ZNF273: variants seen among roughly 807,000 people sequenced by gnomAD.
The protein encoded by ZNF273 is zinc finger protein 273.
Under a neutral mutation model 14.9 loss-of-function variants are expected in ZNF273, and 11 were observed. The ratio of observed to expected loss-of-function variants is 0.74; its 90% CI spans 0.46 to 1.22. ZNF273 has a LOEUF of 1.22. Among genes scored for constraint, ZNF273 ranks in the 50% most tolerant of loss-of-function variants. The pLI, the probability that ZNF273 is intolerant of heterozygous loss-of-function variation, is 0.00. For missense variants in ZNF273, 577 were observed against 660.6 expected, an observed-to-expected ratio of 0.87 and a Z score of 1.39; for synonymous variants, 199 against 223.9, an observed-to-expected ratio of 0.89 and a Z score of 0.99.
At chr7:64,915,562 T>C (rs1793915443) in intron 1 of ZNF273, among the ~76,000 whole-genome samples, 1 of 152,246 alleles carries the variant, frequency 6.6e-6, no homozygotes, top group South Asian at 2.1e-4. Context: ...AGATCGCCCA[T>C]GCTATTGTTT....
chr7:64,890,811 G>T (rs1421531706), downstream of ZNF273, among the ~76,000 whole-genome samples: 1 of 152,140 alleles, frequency 6.6e-6, no homozygotes, highest in Non-Finnish European at 1.5e-5. Flanking sequence ...GCAAAGGCTG[G>T]TGCAAGGCTA....
intron 1 of ZNF273, among the ~76,000 whole-genome samples, chr7:64,912,860 GCT>G (rs573378714): frequency 0.06 from 1,365 of 22,882 alleles, 15 homozygotes; most frequent in South Asian, 0.19. Flanking sequence ...ATTGAGTTTC[GCT>G]CTGTCATCCA....
At chr7:64,912,826 G>GTTTTTTGTTGTTGTTGTGTTTTTTTTTTT in intron 1 of ZNF273, among the ~76,000 whole-genome samples, 1 of 36,568 alleles carries the variant, frequency 2.7e-5, no homozygotes, top group Admixed American at 4.0e-4. Flanking sequence ...ATTCATTTTA[G>GTTTTTTGTTGTTGTTGTGTTTTTTTTTTT]TTTTTTTTTT....
chr7:64,889,356 G>T (rs1791817582), downstream of ZNF273: 2 of 964,454 alleles, frequency 2.1e-6, no homozygotes, highest in Non-Finnish European at 2.5e-6. This position sits in a 1 kb window ranked among gnomAD's most constrained non-coding sequence, Gnocchi z 4.2. Flanking sequence ...AGCTGGTGCT[G>T]AGGGTCCGGC....
At chr7:64,905,207 C>A (rs1562956295) in intron 1 of ZNF273, among the ~76,000 whole-genome samples, 1 of 148,928 alleles carries the variant, frequency 6.7e-6, no homozygotes, top group African/African-American at 2.5e-5. Flanking sequence ...ACTCCGCCTC[C>A]CAGGTTCAAG....
At chr7:64,883,179 G>A (rs967266188), downstream of ZNF273, among the ~76,000 whole-genome samples, 23 of 150,926 alleles carry the variant, frequency 1.5e-4, no homozygotes, top group Middle Eastern at 3.4e-3. Flanking sequence ...GGTGAATTGG[G>A]GGGCTGGCTG....
chr7:64,926,210 A>C (rs1794761777), intron 3 of ZNF273, among the ~76,000 whole-genome samples: 1 of 150,636 alleles, frequency 6.6e-6, no homozygotes, highest in Non-Finnish European at 1.5e-5. Flanking sequence ...GGCCTGCAAA[A>C]TTTTCTTGAC....
exon 2 of ZNF273, chr7:64,888,860 T>C: frequency 2.0e-6 from 2 of 985,938 alleles, no homozygotes; most frequent in Non-Finnish European, 2.4e-6. Flanking sequence ...GCTCAAGCCA[T>C]GTTCATCTAT....
At chr7:64,915,631 G>A (rs1422152097) in intron 1 of ZNF273, among the ~76,000 whole-genome samples, 5 of 152,128 alleles carry the variant, frequency 3.3e-5, no homozygotes, top group Non-Finnish European at 5.9e-5. Flanking sequence ...TGTTCATTCC[G>A]GTAAACCCAC....
At chr7:64,905,420 CTTTTTTTTTTTTT>C (rs34374261) in intron 1 of ZNF273, among the ~76,000 whole-genome samples, 1 of 84,190 alleles carries the variant, frequency 1.2e-5, no homozygotes, top group East Asian at 3.3e-4. Flanking sequence ...GCTGGCCACA[CTTTTTTTTTTTTT>C]TTTTTTTTTG....
intron 2 of ZNF273, among the ~76,000 whole-genome samples, chr7:64,879,190 G>C (rs370118252): frequency 6.6e-6 from 1 of 152,192 alleles, no homozygotes; most frequent in Non-Finnish European, 1.5e-5. Flanking sequence ...CGTGGATGTA[G>C]TTGGCTGCCA....
At chr7:64,933,663 C>T (rs1795035685), downstream of ZNF273, 1 of 152,110 alleles carries the variant, frequency 6.6e-6, no homozygotes, top group Non-Finnish European at 1.5e-5. Flanking sequence ...CACACAAGAA[C>T]TAAGTATTTT....
downstream of ZNF273, among the ~76,000 whole-genome samples, chr7:64,881,230 G>C (rs1791244592): frequency 6.6e-6 from 1 of 152,232 alleles, no homozygotes; most frequent in Admixed American, 6.5e-5. Flanking sequence ...ACAGGGGAGT[G>C]GGATGGACTG....
At chr7:64,936,103 TAGGC>T in the ZNF273 span, among the ~76,000 whole-genome samples, 1 of 152,218 alleles carries the variant, frequency 6.6e-6, no homozygotes, top group Non-Finnish European at 1.5e-5. Flanking sequence ...AGAATTTTGA[TAGGC>T]AGGAAAATGC....
At chr7:64,915,253 A>G (rs1356734570) in intron 1 of ZNF273, among the ~76,000 whole-genome samples, 1 of 152,098 alleles carries the variant, frequency 6.6e-6, no homozygotes, top group Non-Finnish European at 1.5e-5. Context: ...CCTATTGGGG[A>G]AAAGCTGGTG....
At chr7:64,882,361 CTT>C (rs1440185157), downstream of ZNF273, 5 of 152,120 alleles carry the variant, frequency 3.3e-5, no homozygotes, top group Non-Finnish European at 7.3e-5. Context: ...GTGGTCGAGA[CTT>C]TTATAGTCCC....
At chr7:64,891,167 G>C (rs1792010257), downstream of ZNF273, among the ~76,000 whole-genome samples, 1 of 152,206 alleles carries the variant, frequency 6.6e-6, no homozygotes. Context: ...AGCTGGACAA[G>C]TTATGACTTT....
intron 3 of ZNF273, 69 bp downstream of exon 3, chr7:64,918,361 A>G: frequency 7.1e-7 from 1 of 1,411,178 alleles, no homozygotes; most frequent in Non-Finnish European, 9.4e-7. Context: ...GGAGAAAGTC[A>G]GTTCTTAAAA....
downstream of ZNF273, chr7:64,890,191 T>G (rs77151596): frequency 0.046 from 1,131 of 24,638 alleles, 8 homozygotes; most frequent in South Asian, 0.086. Flanking sequence ...AGGTTAGGGG[T>G]GTGTGTGTGT....
Sources: allele counts gnomAD v4.1 joint callset (sites outside exome capture counted in the v4.1 genomes callset), GRCh38; gene constraint gnomAD v4.1.1; non-coding constraint Gnocchi (gnomAD v3.1); transcripts MANE v1.5; gene names NCBI Gene and HGNC (gene_info 2026-07-23, HGNC 2026-07-21).